Variants in ZBTB17 observed in about 807,000 individuals in gnomAD.
The protein encoded by ZBTB17 is zinc finger and BTB domain-containing protein 17.
ZBTB17 carries 24 observed loss-of-function variants against 85.1 expected under a neutral mutation model. That is an observed-to-expected ratio of 0.28 (90% confidence interval 0.20 to 0.40). The LOEUF (loss-of-function observed/expected upper bound fraction) is 0.40, where lower values mean the gene tolerates loss of function less well. Among genes scored for constraint, ZBTB17 ranks in the 10% least tolerant of loss-of-function variants. The pLI is 1.00. For missense variants in ZBTB17, 743 were observed against 1,105.1 expected, an observed-to-expected ratio of 0.67 and a Z score of 4.65; for synonymous variants, 464 against 460.2, an observed-to-expected ratio of 1.01 and a Z score of -0.11.
intron 1 of ZBTB17, 94 bp downstream of exon 1, chr1:15,975,889 C>A: frequency 1.5e-6 from 1 of 677,928 alleles, no homozygotes; most frequent in Non-Finnish European, 2.7e-6. Flanking sequence ...CTCCCCCACA[C>A]AACCGTCACC....
intron 9 of ZBTB17, 95 bp from the exon 10 acceptor site, chr1:15,943,990 G>A: frequency 7.9e-7 from 1 of 1,271,682 alleles, no homozygotes; most frequent in Non-Finnish European, 1.1e-6. Flanking sequence ...TGACTCTCAG[G>A]CTTGCCAGGG....
rs1387836832 is a variant in ZBTB17, at chr1:15,951,315, G to A, written c.-2-2818C>T. On this transcript the variant is annotated intron_variant, in intron 2 of 15. Transcript: ENST00000375743. The surrounding 1 kb of genome is among the most constrained non-coding windows in gnomAD (Gnocchi z 4.1). The stretch of plus-strand genomic sequence containing the variant: ...GAAAGGAGAGAGAAGAAGGAAGGAA[G>A]GAAGGGAGAGAGGGAGGGAGGGAGG... 2.0e-5 allele frequency among the ~76,000 whole-genome samples: 3 copies of A among 150,720 alleles called. No homozygotes were observed. Among genetic ancestry groups the A allele is most frequent in the South Asian group, 2.1e-4 (1 of 4,784 alleles).
chr1:15,942,322 C>T lies in ZBTB17; in HGVS notation c.2128+9G>A, dbSNP rs376259268. On this transcript the variant is annotated intron_variant, in intron 15 of 15. Coordinates refer to ENST00000375743, the MANE Select transcript of ZBTB17 (RefSeq NM_003443.3). ...CTGCCCACATTCACACCCGGGTGGC[C>T]CCCCTCACCTTCTTCCTGCACTTGC... The T allele has an allele frequency of 7.7e-5, 124 of 1,613,830 alleles. No homozygotes were observed. Among genetic ancestry groups the T allele is most frequent in the Non-Finnish European group, 1.0e-4 (120 of 1,180,022 alleles).
chr1:15,945,425 G>A (rs1005165740), intron 6 of ZBTB17, among the ~76,000 whole-genome samples: 3 of 152,226 alleles, frequency 2.0e-5, no homozygotes, highest in African/African-American at 7.2e-5. Flanking sequence ...GAGGGTTGCC[G>A]TGGGTGGCAA....
intron 2 of ZBTB17, among the ~76,000 whole-genome samples, chr1:15,950,754 A>G (rs1304728783): frequency 1.3e-5 from 2 of 152,198 alleles, no homozygotes; most frequent in African/African-American, 2.4e-5. Context: ...ACCCTCTAGC[A>G]GGAAAACCAT....
At chr1:15,968,106 A>C (rs1293565526) in intron 2 of ZBTB17, among the ~76,000 whole-genome samples, 1 of 152,230 alleles carries the variant, frequency 6.6e-6, no homozygotes, top group Admixed American at 6.5e-5. Flanking sequence ...AAATGTCAGA[A>C]GTGTCAAGGT....
rs905241456 is a variant in ZBTB17, at chr1:15,964,191, G to T, written c.-3+8848C>A. Among the ~76,000 whole-genome samples the T allele has an allele frequency of 2.0e-5, 3 of 152,012 alleles. No homozygotes were observed. The highest frequency in any genetic ancestry group is 4.4e-5 in the Non-Finnish European group (3 of 68,008). ...ACAGAATAAAAGTGGAAGAGAAAGT[G>T]ATAGCAATTAAAGTGTTCTCAGGTC... On this transcript the variant is annotated intron_variant, in intron 2 of 15. Coordinates refer to ENST00000375743, the MANE Select transcript of ZBTB17 (RefSeq NM_003443.3). The surrounding 1 kb of genome is among the most constrained non-coding windows in gnomAD (Gnocchi z 4.3).
intron 2 of ZBTB17, among the ~76,000 whole-genome samples, chr1:15,949,695 T>TG (rs1271257190): frequency 1.3e-5 from 2 of 152,114 alleles, no homozygotes; most frequent in Non-Finnish European, 2.9e-5. Flanking sequence ...ATCAGCATCT[T>TG]GGGGGGTGAA....
chr1:15,951,036 C>G lies in ZBTB17; in HGVS notation c.-2-2539G>C, dbSNP rs146708503. On this transcript the variant is annotated intron_variant, in intron 2 of 15. Transcript: ENST00000375743. The surrounding 1 kb of genome is among the most constrained non-coding windows in gnomAD (Gnocchi z 4.1). ...CAGGGTGGGTGGTGGCCCAGCCCCC[C>G]ACATACCACCACCCGCCAAGAGAGC... 2.0e-5 allele frequency among the ~76,000 whole-genome samples: 3 copies of G among 152,290 alleles called. No homozygotes were observed. The highest frequency in any genetic ancestry group is 4.4e-5 in the Non-Finnish European group (3 of 68,008).
At position 15,973,633 on chromosome 1, in the gene ZBTB17, C is replaced by G; in HGVS notation, c.-89-508G>C. 6.6e-6 allele frequency among the ~76,000 whole-genome samples: 1 copy of G among 152,202 alleles called. No homozygotes were observed. Among genetic ancestry groups the G allele is most frequent in the East Asian group, 1.9e-4 (1 of 5,198 alleles). ...CCCTCCCCCAGATCTGCTCCCCGTA[C>G]TGCTCCCTATCACATGGAGCAGCAT... is the stretch of plus-strand genomic sequence containing the variant. On this transcript the variant is annotated intron_variant, in intron 1 of 15. Coordinates refer to ENST00000375743, the MANE Select transcript of ZBTB17 (RefSeq NM_003443.3). This position sits in a 1 kb window ranked among gnomAD's most constrained non-coding sequence, Gnocchi z 4.1.
In ZBTB17 at chr1:15,943,513, T is replaced by C. The variant is rs1317347622; in HGVS notation, c.1583A>G (p.Lys528Arg). 1.2e-6 allele frequency: 2 copies of C among 1,609,984 alleles called. No homozygotes were observed. Among genetic ancestry groups the C allele is most frequent in the East Asian group, 2.2e-5 (1 of 44,784 alleles). Residue 528 changes from lysine (K) to arginine (R), a missense_variant, in exon 12 of 16, where the codon AAG (lysine) becomes AGG (arginine). Lys to Arg is a conservative substitution (Grantham distance 26). Coordinates refer to ENST00000375743, the MANE Select transcript of ZBTB17 (RefSeq NM_003443.3). ...ACCGCACATCACACACTGGCATGGC[T>C]TCTCACCTGGGGACCGGGCAGAAGG... The part of the protein sequence containing the change: ...QRHVRIHTGE[K>R]PCQCVMCGKA...
At chr1:15,975,646 C>G (rs1449084570) in intron 1 of ZBTB17, among the ~76,000 whole-genome samples, 1 of 152,130 alleles carries the variant, frequency 6.6e-6, no homozygotes, top group South Asian at 2.1e-4. Flanking sequence ...CGCCCACCCT[C>G]GACAGCGCGC....
Position 15,966,377 on chromosome 1 carries a change from G to A in ZBTB17, c.-3+6662C>T, listed in dbSNP as rs1197711245. 6.6e-6 allele frequency among the ~76,000 whole-genome samples: 1 copy of A among 151,362 alleles called. No individual in the cohort carries two copies. Among genetic ancestry groups the A allele is most frequent in the Non-Finnish European group, 1.5e-5 (1 of 67,662 alleles). The stretch of plus-strand genomic sequence containing the variant: ...TCTACTGCCAGACCTTTCAAGACCA[G>A]AAGCTGAGTAGATTTTTGATGTTAC... On this transcript the variant is annotated intron_variant, in intron 2 of 15. Transcript: ENST00000375743. The surrounding 1 kb of genome is among the most constrained non-coding windows in gnomAD (Gnocchi z 4.1).
chr1:15,975,251 T>A (rs2072824343), intron 1 of ZBTB17, among the ~76,000 whole-genome samples: 1 of 152,202 alleles, frequency 6.6e-6, no homozygotes, highest in African/African-American at 2.4e-5. Context: ...TTCCCCTTTA[T>A]TACAATCTTA....
chr1:15,946,399 T>G, intron 4 of ZBTB17, 105 bp from the exon 5 acceptor site: 1 of 1,490,938 alleles, frequency 6.7e-7, no homozygotes, highest in Non-Finnish European at 9.0e-7. Flanking sequence ...CTCCCTAGGG[T>G]ACCTCTAAGT....
chr1:15,974,686 T>C (rs2072798090), intron 1 of ZBTB17, among the ~76,000 whole-genome samples: 2 of 151,958 alleles, frequency 1.3e-5, no homozygotes, highest in Non-Finnish European at 2.9e-5. Context: ...GCGATTCTCA[T>C]ACCTCAGCCT....
chr1:15,960,065 TGACAC>T (rs1390049813), intron 2 of ZBTB17, among the ~76,000 whole-genome samples: 1 of 152,212 alleles, frequency 6.6e-6, no homozygotes, highest in Admixed American at 6.5e-5. Context: ...GGAAGCCCCC[TGACAC>T]TGCGACGACA....
chr1:15,958,756 C>T (rs957263246), intron 2 of ZBTB17, among the ~76,000 whole-genome samples: 3 of 152,130 alleles, frequency 2.0e-5, no homozygotes, highest in African/African-American at 4.8e-5. Context: ...TAAAGACAGA[C>T]GAAGGCAAGA....
rs764198381 is a variant in ZBTB17 at position 15,945,150 on chromosome 1, C to T, written c.714G>A (p.Glu238=). ...RKGEEEQKEQ[E]EQEEEGAGPA... ...GCCCTGCGCCCTCCTCCTCTTGCTC[C>T]TCTTGCTCCTTTTGCTCCTCTTCCC... The change falls in exon 7 of 16, where the codon GAG becomes GAA. Residue 238 remains glutamate, a synonymous_variant. Transcript: ENST00000375743. The T allele has an allele frequency of 9.5e-6, 15 of 1,586,074 alleles. No homozygotes were observed. In the South Asian group the frequency reaches 1.3e-4, roughly 13 times the overall value.
Sources: gnomAD v4.1 joint callset for allele counts (sites outside exome capture counted in the v4.1 genomes callset) on GRCh38, gnomAD v4.1.1 for gene constraint, Gnocchi (gnomAD v3.1) non-coding constraint, MANE v1.5 for transcripts, NCBI Gene and HGNC (gene_info 2026-07-23, HGNC 2026-07-21) for gene names.